GPAT4: variants seen among roughly 807,000 people sequenced by gnomAD.
GPAT4 encodes 1-AGP acyltransferase 6.
Under a neutral mutation model 58.0 loss-of-function variants are expected in GPAT4, and 17 were observed. That is an observed-to-expected ratio of 0.29 (90% confidence interval 0.20 to 0.44). GPAT4 has a LOEUF of 0.44. GPAT4 is among the 20% of genes least tolerant of loss of function. The pLI is 1.00. For missense variants in GPAT4, 377 were observed against 574.5 expected, an observed-to-expected ratio of 0.66 and a Z score of 3.51; for synonymous variants, 204 against 210.1, an observed-to-expected ratio of 0.97 and a Z score of 0.25.
At chr8:41,587,730 A>C (rs1563268488) in intron 1 of GPAT4, among the ~76,000 whole-genome samples, 1 of 152,202 alleles carries the variant, frequency 6.6e-6, no homozygotes, top group East Asian at 1.9e-4. Context: ...GGGGTAAAAA[A>C]ATCACCCTTG....
intron 1 of GPAT4, among the ~76,000 whole-genome samples, chr8:41,596,180 CA>C: frequency 6.6e-6 from 1 of 152,094 alleles, no homozygotes; most frequent in Non-Finnish European, 1.5e-5. Flanking sequence ...TGAAAATTTT[CA>C]ACGTAGTTCC....
chr8:41,612,875 G>A lies in GPAT4; in HGVS notation c.826G>A (p.Val276Met). The change falls in exon 8 of 13, where the codon GTG becomes ATG. Residue 276 changes from valine (V) to methionine (M), a missense_variant. Val to Met is a conservative substitution (Grantham distance 21). Coordinates refer to ENST00000396987, the MANE Select transcript of GPAT4 (RefSeq NM_178819.4). ...VGQVHGGLMG[V>M]IQRAMVKACP... is the part of the protein sequence containing the mutation. ...TCAAGTGCACGGGGGACTCATGGGT[G>A]TGATTCAGAGAGCCATGGTGAAGGC... 1 of 1,614,124 alleles carries A rather than the reference G, an allele frequency of 6.2e-7. No homozygotes were observed. The highest frequency in any genetic ancestry group is 8.5e-7 in the Non-Finnish European group (1 of 1,180,016).
chr8:41,615,578 G>A (rs984044645), intron 10 of GPAT4, among the ~76,000 whole-genome samples: 5 of 151,952 alleles, frequency 3.3e-5, no homozygotes, highest in African/African-American at 1.2e-4. Context: ...AGTCTACGTC[G>A]ACCCTTTAGG....
At chr8:41,584,636 A>G (rs1441096676) in intron 1 of GPAT4, 2 of 152,220 alleles carry the variant, frequency 1.3e-5, no homozygotes, top group African/African-American at 4.8e-5. Context: ...AAGAACTGGT[A>G]TTGAAATTGA....
rs202141092 is a variant in GPAT4, at chr8:41,610,816, T to C, written c.611+6T>C. 1 of 1,606,892 alleles carries C rather than the reference T, an allele frequency of 6.2e-7. No homozygotes were observed. On this transcript the variant is annotated splice_donor_region_variant and intron_variant, in intron 5 of 12. Transcript: ENST00000396987. ...GGATACTTGCCAAATGGGAGGTGAG[T>C]AGAGTGTGGCAGTCCATGCCTGAAG...
rs1803789076 is a variant in GPAT4 at position 41,622,657 on chromosome 8, T to A, written c.*1656T>A. 1 of 152,306 alleles carries A rather than the reference T, an allele frequency of 6.6e-6. No homozygotes were observed. The highest frequency in any genetic ancestry group is 2.4e-5 in the African/African-American group (1 of 41,450). The allele number at this position is 152,306 out of a possible 1,614,324, so 9.4% of individuals were successfully genotyped here. The stretch of plus-strand genomic sequence containing the variant: ...CTGTGCTCCTGGGGCTGCAGACAGA[T>A]CCACTTTGCATGTGGTACCTGCTGG... On this transcript the variant is annotated 3_prime_UTR_variant, in exon 13 of 13. Transcript: ENST00000396987.
At chr8:41,582,148 C>T (rs1374986719) in intron 1 of GPAT4, among the ~76,000 whole-genome samples, 9 of 151,386 alleles carry the variant, frequency 5.9e-5, no homozygotes, top group Admixed American at 5.3e-4. Context: ...GGATTACAGG[C>T]ATGCGCCACC....
chr8:41,614,360 C>T (rs1563279048), intron 8 of GPAT4, 26 bp from the exon 9 acceptor site: 1 of 1,606,746 alleles, frequency 6.2e-7, no homozygotes, highest in Admixed American at 1.7e-5. Flanking sequence ...TTGTCTGACC[C>T]TTTATTTTAT....
intron 2 of GPAT4, among the ~76,000 whole-genome samples, chr8:41,605,543 GTGTTTTGTT>G (rs1803235392): frequency 1.5e-5 from 2 of 137,724 alleles, no homozygotes; most frequent in Admixed American, 7.6e-5. Context: ...ATTGAAGGTT[GTGTTTTGTT>G]TGTTTGTTTG....
At chr8:41,597,302 A>T (rs1055901820) in intron 1 of GPAT4, among the ~76,000 whole-genome samples, 7 of 152,222 alleles carry the variant, frequency 4.6e-5, no homozygotes, top group Non-Finnish European at 1.5e-5. Flanking sequence ...AAGTGTTTGG[A>T]ATAGCCTGAA....
rs1803015958 is a variant in GPAT4, at chr8:41,599,225, T to C, written c.86T>C (p.Phe29Ser). Residue 29 changes from phenylalanine to serine, a missense_variant, in exon 2 of 13, where the codon TTC (phenylalanine) becomes TCC (serine). Coordinates refer to ENST00000396987, the MANE Select transcript of GPAT4 (RefSeq NM_178819.4). ...GTCCTCTTCACCCTCCTTCTCGTTT[T>C]CATCATAGTGCCAGCCATTTTTGGA... ...LTVLFTLLLVFIIVPAIFGVS... is the reference protein window; with the variant it reads ...LTVLFTLLLVSIIVPAIFGVS... The C allele has an allele frequency of 6.2e-7, 1 of 1,614,026 alleles. No individual in the cohort carries two copies. Among genetic ancestry groups the C allele is most frequent in the South Asian group, 1.1e-5 (1 of 91,078 alleles).
At chr8:41,608,557 A>G (rs976974195) in intron 2 of GPAT4, among the ~76,000 whole-genome samples, 2 of 152,236 alleles carry the variant, frequency 1.3e-5, no homozygotes, top group African/African-American at 4.8e-5. Context: ...AGTTTTAATG[A>G]AGAGGGATTC....
intron 1 of GPAT4, among the ~76,000 whole-genome samples, chr8:41,593,109 G>GAC (rs1802837059): frequency 6.6e-6 from 1 of 152,146 alleles, no homozygotes; most frequent in Non-Finnish European, 1.5e-5. Context: ...TGCTGTTAAT[G>GAC]ACAGCACAGA....
At chr8:41,592,115 G>A (rs1264214702) in intron 1 of GPAT4, among the ~76,000 whole-genome samples, 1 of 152,158 alleles carries the variant, frequency 6.6e-6, no homozygotes, top group Non-Finnish European at 1.5e-5. Flanking sequence ...CTATAGCTAT[G>A]CTTCTTTTTT....
intron 1 of GPAT4, among the ~76,000 whole-genome samples, chr8:41,591,618 A>G (rs1014805938): frequency 6.6e-6 from 1 of 152,240 alleles, no homozygotes; most frequent in Non-Finnish European, 1.5e-5. Flanking sequence ...GTAGCAAACA[A>G]GGGAGTAGTA....
chr8:41,607,078 G>A (rs1803295727), intron 2 of GPAT4, among the ~76,000 whole-genome samples: 1 of 152,148 alleles, frequency 6.6e-6, no homozygotes, highest in Non-Finnish European at 1.5e-5. Flanking sequence ...GTTTCTTTCA[G>A]GCAGAAAGAG....
rs1028823149 is a variant in GPAT4, at chr8:41,623,678, C to G, written c.*2677C>G. The G allele has an allele frequency of 3.9e-4, 59 of 152,374 alleles. No individual in the cohort carries two copies. The highest frequency in any genetic ancestry group is 1.4e-3 in the African/African-American group (58 of 41,578). 9.4% of individuals were successfully genotyped at this position (152,374 alleles called of 1,614,324 possible). A position where few individuals can be genotyped will look rare whatever the true frequency, so the allele number is the denominator to read the frequency against. ...TGAATCCATTGCTTCTCTAAAACAT[C>G]AGGGCTAGTGGAACTAACCCACTTG... is the stretch of plus-strand genomic sequence containing the variant. On this transcript the variant is annotated 3_prime_UTR_variant, in exon 13 of 13. Coordinates refer to ENST00000396987, the MANE Select transcript of GPAT4 (RefSeq NM_178819.4).
intron 2 of GPAT4, among the ~76,000 whole-genome samples, chr8:41,602,537 C>G (rs1185602301): frequency 1.3e-5 from 2 of 151,932 alleles, no homozygotes; most frequent in African/African-American, 4.8e-5. Flanking sequence ...TCTGTTACTG[C>G]TCTGAGTCGA....
At chr8:41,609,114 T>C (rs1235872743) in intron 2 of GPAT4, among the ~76,000 whole-genome samples, 5 of 152,206 alleles carry the variant, frequency 3.3e-5, no homozygotes, top group Admixed American at 1.3e-4. Context: ...TGTCAGCAAG[T>C]GAGCTCCCTA....
Sources: gnomAD v4.1 joint callset for allele counts (sites outside exome capture counted in the v4.1 genomes callset) on GRCh38, gnomAD v4.1.1 for gene constraint, MANE v1.5 for transcripts, NCBI Gene and HGNC (gene_info 2026-07-23, HGNC 2026-07-21) for gene names.